Variants in SEMA3B observed in about 807,000 individuals in gnomAD.
SEMA3B encodes semaphorin-3B.
In SEMA3B, 71 loss-of-function variants were observed where a neutral mutation model predicts 77.8. The ratio of observed to expected loss-of-function variants is 0.91; its 90% CI spans 0.75 to 1.11. The LOEUF (loss-of-function observed/expected upper bound fraction) is 1.11, where lower values mean the gene tolerates loss of function less well. Among genes scored for constraint, SEMA3B ranks in the 50% most tolerant of loss-of-function variants. The pLI is 0.00. For synonymous variants in SEMA3B, 470 were observed against 452.9 expected, an observed-to-expected ratio of 1.04 and a Z score of -0.48; for missense variants, 968 against 1,056.8, an observed-to-expected ratio of 0.92 and a Z score of 1.17.
rs782239383 is a variant in SEMA3B, at chr3:50,276,641, A to G, written c.2185A>G (p.Asn729Asp). 1.3e-6 allele frequency: 2 copies of G among 1,595,490 alleles called. No individual in the cohort carries two copies. The highest frequency in any genetic ancestry group is 1.3e-5 in the African/African-American group (1 of 74,238). ...LPLESRRKGR[N>D]RRTHAPEPRA... Reference sequence around the variant, plus strand: ...CCTGGAGTCGCGGAGAAAGGGCCGTAACCGGAGGACCCACGCCCCTGAGCC... The same window carrying G: ...CCTGGAGTCGCGGAGAAAGGGCCGTGACCGGAGGACCCACGCCCCTGAGCC... The change falls in exon 17 of 17, where the codon AAC becomes GAC. Residue 729 changes from asparagine to aspartate, a missense_variant. By Grantham distance (23) the Asn-to-Asp change is conservative. Coordinates refer to ENST00000616701, the MANE Select transcript of SEMA3B (RefSeq NM_001290060.2). This position sits in a 1 kb window ranked among gnomAD's most constrained non-coding sequence, Gnocchi z 5.8.
chr3:50,274,323 A>C lies in SEMA3B; in HGVS notation c.1138-40A>C. Reference sequence around the variant, plus strand: ...GGAGGGCTGCCTATCAAGCCCCCATATCTATATCCCTGCTGTGCCTCCCTT... The same window carrying C: ...GGAGGGCTGCCTATCAAGCCCCCATCTCTATATCCCTGCTGTGCCTCCCTT... On this transcript the variant is annotated intron_variant, in intron 10 of 16. Transcript: ENST00000616701. This position sits in a 1 kb window ranked among gnomAD's most constrained non-coding sequence, Gnocchi z 4.7. The C allele has an allele frequency of 7.0e-7, 1 of 1,423,670 alleles. No homozygotes were observed. Among genetic ancestry groups the C allele is most frequent in the Non-Finnish European group, 9.4e-7 (1 of 1,058,330 alleles). The allele number at this position is 1,423,670 out of a possible 1,614,324, so 88.2% of individuals were successfully genotyped here.
upstream of SEMA3B, among the ~76,000 whole-genome samples, chr3:50,265,963 A>C (rs1439710925): frequency 6.6e-6 from 1 of 152,212 alleles, no homozygotes; most frequent in African/African-American, 2.4e-5. Flanking sequence ...ATGGGGACAG[A>C]GACAGTCTAG....
Position 50,269,626 on chromosome 3 carries a change from G to C in SEMA3B, c.109+277G>C, listed in dbSNP as rs1191712956. Among the ~76,000 whole-genome samples, 1 of 152,152 alleles carries C rather than the reference G, an allele frequency of 6.6e-6. No homozygotes were observed. The highest frequency in any genetic ancestry group is 1.5e-5 in the Non-Finnish European group (1 of 68,032). ...TGTTCCGTTCAGTACCCCCAACAAG[G>C]CGATACTCCTTCAGCAGAGCAACAG... On this transcript the variant is annotated intron_variant, in intron 1 of 16. Coordinates refer to ENST00000616701, the MANE Select transcript of SEMA3B (RefSeq NM_001290060.2). The surrounding 1 kb of genome is among the most constrained non-coding windows in gnomAD (Gnocchi z 4.0).
Position 50,273,405 on chromosome 3 carries a change from G to C in SEMA3B, c.772G>C (p.Gly258Arg), listed in dbSNP as rs148660513. The change falls in exon 7 of 17, where the codon GGA becomes CGA. Residue 258 changes from glycine to arginine, a missense_variant. Physicochemically the swap from Gly to Arg is moderately radical, Grantham distance 125 (BLOSUM62 -2). Coordinates refer to ENST00000616701, the MANE Select transcript of SEMA3B (RefSeq NM_001290060.2). The surrounding 1 kb of genome is among the most constrained non-coding windows in gnomAD (Gnocchi z 6.5). ...ETAVEAAPALGRLSVSRVGQI... is the reference protein window; with the variant it reads ...ETAVEAAPALRRLSVSRVGQI... ...GGCGGTAGAGGCGGCGCCGGCACTG[G>C]GACGCCTGTCCGTGTCCCGCGTTGG... 790 of 1,613,786 alleles carry C rather than the reference G, an allele frequency of 4.9e-4. 3 individuals carry two copies. The highest frequency in any genetic ancestry group is 4.0e-3 in the Middle Eastern group (24 of 6,062).
Position 50,274,559 on chromosome 3 carries a change from A to G in SEMA3B, c.1334A>G (p.Tyr445Cys). The change falls in exon 11 of 17, where the codon TAT (tyrosine) becomes TGT (cysteine). Residue 445 changes from tyrosine to cysteine, a missense_variant. Physicochemically the swap from Tyr to Cys is radical, Grantham distance 194. Coordinates refer to ENST00000616701, the MANE Select transcript of SEMA3B (RefSeq NM_001290060.2). This position sits in a 1 kb window ranked among gnomAD's most constrained non-coding sequence, Gnocchi z 4.7. ...CGGGTTGCAGCCGCTGACGGACACT[A>G]TGACGTCCTCTTCATTGGCACAGGT... ...ADRVAAADGH[Y>C]DVLFIGTDVG... 1 of 1,547,480 alleles carries G rather than the reference A, an allele frequency of 6.5e-7. No homozygotes were observed. The highest frequency in any genetic ancestry group is 8.7e-7 in the Non-Finnish European group (1 of 1,147,316).
chr3:50,269,585 C>G lies in SEMA3B; in HGVS notation c.109+236C>G, dbSNP rs1700989260. On this transcript the variant is annotated intron_variant, in intron 1 of 16. Transcript: ENST00000616701. This position sits in a 1 kb window ranked among gnomAD's most constrained non-coding sequence, Gnocchi z 4.0. Reference sequence around the variant, plus strand: ...AGGAAGACCCCTCCTGTCCCCACAGCAACAGACCTTGTCTCTGTTCCGTTC... The same window carrying G: ...AGGAAGACCCCTCCTGTCCCCACAGGAACAGACCTTGTCTCTGTTCCGTTC... Among the ~76,000 whole-genome samples the G allele has an allele frequency of 1.3e-5, 2 of 152,230 alleles. No individual in the cohort carries two copies. The highest frequency in any genetic ancestry group is 4.1e-4 in the South Asian group (2 of 4,836).
Position 50,271,465 on chromosome 3 carries a change from T to G in SEMA3B, c.649T>G (p.Ser217Ala), listed in dbSNP as rs1187231913. The change falls in exon 6 of 17, where the codon TCC becomes GCC. Residue 217 changes from serine (S) to alanine (A), a missense_variant. Coordinates refer to ENST00000616701, the MANE Select transcript of SEMA3B (RefSeq NM_001290060.2). ...AAGTCTCCGAACAGAGCCACACGAC[T>G]CCCGCTGGCTCAATGGTGAGAGGCT... is the stretch of plus-strand genomic sequence containing the variant. ...RPSLRTEPHD[S>A]RWLNEPKFVK... 6.4e-7 allele frequency: 1 copy of G among 1,566,346 alleles called. No homozygotes were observed. Among genetic ancestry groups the G allele is most frequent in the African/African-American group, 1.4e-5 (1 of 73,606 alleles).
In SEMA3B at chr3:50,274,190, A is replaced by G; in HGVS notation, c.1137+133A>G. On this transcript the variant is annotated intron_variant, in intron 10 of 16. Coordinates refer to ENST00000616701, the MANE Select transcript of SEMA3B (RefSeq NM_001290060.2). This position sits in a 1 kb window ranked among gnomAD's most constrained non-coding sequence, Gnocchi z 4.7. ...TGGGAAAACGTTTCCATCATAAGAC[A>G]AGGCTTGTTTCCCGCCTCTGACTTC... The G allele has an allele frequency of 6.9e-7, 1 of 1,440,536 alleles. No individual in the cohort carries two copies. The highest frequency in any genetic ancestry group is 9.4e-7 in the Non-Finnish European group (1 of 1,061,724). 89.2% of individuals were successfully genotyped at this position (1,440,536 alleles called of 1,614,324 possible). A position where few individuals can be genotyped will look rare whatever the true frequency, so the allele number is the denominator to read the frequency against.
At chr3:50,266,658 A>G (rs886237282), upstream of SEMA3B, 2 of 152,218 alleles carry the variant, frequency 1.3e-5, no homozygotes, top group African/African-American at 4.8e-5. Flanking sequence ...GCCCTGGTAT[A>G]TTCACTCAGG....
upstream of SEMA3B, among the ~76,000 whole-genome samples, chr3:50,265,193 G>T (rs1436333849): frequency 2.6e-5 from 4 of 152,210 alleles, no homozygotes; most frequent in Non-Finnish European, 5.9e-5. Context: ...TAGGCCTCAG[G>T]TGATGATCCT....
upstream of SEMA3B, among the ~76,000 whole-genome samples, chr3:50,268,470 G>A (rs1251854611): frequency 6.6e-6 from 1 of 152,224 alleles, no homozygotes; most frequent in Admixed American, 6.5e-5. Flanking sequence ...TGTACTGCAT[G>A]GATTGCACAG....
At position 50,270,939 on chromosome 3, in the gene SEMA3B, A is replaced by G. The variant is rs782594258; in HGVS notation, c.380A>G (p.His127Arg). Residue 127 changes from histidine to arginine, a missense_variant, in exon 4 of 17, where the codon CAT (histidine) becomes CGT (arginine). Physicochemically the swap from His to Arg is conservative, Grantham distance 29. Coordinates refer to ENST00000616701, the MANE Select transcript of SEMA3B (RefSeq NM_001290060.2). The surrounding 1 kb of genome is among the most constrained non-coding windows in gnomAD (Gnocchi z 4.7). ...VKLLHAYNRT[H>R]LLACGTGAFH... ...TTGCTGCATGCCTACAACCGCACCC[A>G]TTTGCTGGCCTGTGGCACGGGAGCC... The G allele has an allele frequency of 6.2e-7, 1 of 1,611,730 alleles. No homozygotes were observed. Among genetic ancestry groups the G allele is most frequent in the Non-Finnish European group, 8.5e-7 (1 of 1,178,960 alleles).
chr3:50,266,334 G>A (rs1700897027), upstream of SEMA3B, among the ~76,000 whole-genome samples: 1 of 152,176 alleles, frequency 6.6e-6, no homozygotes, highest in African/African-American at 2.4e-5. Context: ...ACGAGCCCAG[G>A]CAGGGATCTG....
chr3:50,273,550 C>T lies in SEMA3B; in HGVS notation c.826C>T (p.Gln276Ter), dbSNP rs1553705818. 6.2e-7 allele frequency: 1 copy of T among 1,612,904 alleles called. No individual in the cohort carries two copies. The highest frequency in any genetic ancestry group is 1.7e-5 in the Admixed American group (1 of 60,002). ...GTCCCGGCAGAACGACGTGGGCGGC[C>T]AGCGCAGCCTGGTCAACAAGTGGAC... ...GQICRNDVGG[Q>*]RSLVNKWTTF... Residue 276 changes from glutamine to a stop codon, truncating the protein, a stop_gained, in exon 8 of 17, where the codon CAG (glutamine) becomes TAG (stop). Transcript: ENST00000616701. LOFTEE classifies it high-confidence loss of function. The surrounding 1 kb of genome is among the most constrained non-coding windows in gnomAD (Gnocchi z 6.5).
chr3:50,270,829 T>C lies in SEMA3B; in HGVS notation c.331-61T>C. The C allele has an allele frequency of 1.3e-6, 2 of 1,549,054 alleles. No individual in the cohort carries two copies. The highest frequency in any genetic ancestry group is 3.9e-5 in the Admixed American group (2 of 51,028). The stretch of plus-strand genomic sequence containing the variant: ...GAGGGAGGGGTGAGGATGCCACTGG[T>C]GAGCTGGGACCTCTTAAGGCTACGT... On this transcript the variant is annotated intron_variant, in intron 3 of 16. Coordinates refer to ENST00000616701, the MANE Select transcript of SEMA3B (RefSeq NM_001290060.2). The surrounding 1 kb of genome is among the most constrained non-coding windows in gnomAD (Gnocchi z 4.7).
chr3:50,273,211 G>A lies in SEMA3B; in HGVS notation c.665-87G>A, dbSNP rs781945334. 8 of 1,504,490 alleles carry A rather than the reference G, an allele frequency of 5.3e-6. No individual in the cohort carries two copies. Among genetic ancestry groups the A allele is most frequent in the African/African-American group, 2.8e-5 (2 of 71,884 alleles). The allele number at this position is 1,504,490 out of a possible 1,614,324, so 93.2% of individuals were successfully genotyped here. On this transcript the variant is annotated intron_variant, in intron 6 of 16. Coordinates refer to ENST00000616701, the MANE Select transcript of SEMA3B (RefSeq NM_001290060.2). The surrounding 1 kb of genome is among the most constrained non-coding windows in gnomAD (Gnocchi z 6.5). ...CACTGTGATCCCGGGTGCTGTGCCC[G>A]CACTACGGGAAGGGGAAGCAGCGCG...
In SEMA3B at chr3:50,276,092, A is replaced by G. The variant is rs762706; in HGVS notation, c.1846-210A>G. Reference sequence around the variant, plus strand: ...CCATTAAGGTCCCTGACCACCCCCCACCAAGTTCATGTAAACCCCGCCTCT... The same window carrying G: ...CCATTAAGGTCCCTGACCACCCCCCGCCAAGTTCATGTAAACCCCGCCTCT... On this transcript the variant is annotated intron_variant, in intron 16 of 16. Coordinates refer to ENST00000616701, the MANE Select transcript of SEMA3B (RefSeq NM_001290060.2). The surrounding 1 kb of genome is among the most constrained non-coding windows in gnomAD (Gnocchi z 5.8). The G allele has an allele frequency of 1.5e-4, 109 of 705,392 alleles. 1 individual carries two copies. Among genetic ancestry groups the G allele is most frequent in the Non-Finnish European group, 2.0e-4 (90 of 460,566 alleles). 43.7% of individuals were successfully genotyped at this position (705,392 alleles called of 1,614,324 possible).
At position 50,269,372 on chromosome 3, in the gene SEMA3B, A is replaced by G; in HGVS notation, c.109+23A>G. The G allele has an allele frequency of 7.2e-7, 1 of 1,386,756 alleles. No homozygotes were observed. The allele number at this position is 1,386,756 out of a possible 1,614,324, so 85.9% of individuals were successfully genotyped here. On this transcript the variant is annotated intron_variant, in intron 1 of 16. Coordinates refer to ENST00000616701, the MANE Select transcript of SEMA3B (RefSeq NM_001290060.2). The surrounding 1 kb of genome is among the most constrained non-coding windows in gnomAD (Gnocchi z 4.0). ...AAGGTAGGTGCACCTGGCAGGCGGG[A>G]GGGCCCAGCTTGAGGTGGGCAGGAA...
Position 50,274,885 on chromosome 3 carries a change from G to A in SEMA3B, c.1400G>A (p.Ser467Asn). Residue 467 changes from serine (S) to asparagine (N), a missense_variant, in exon 12 of 17, where the codon AGT becomes AAT. Ser to Asn is a conservative substitution (Grantham distance 46). Transcript: ENST00000616701. The surrounding 1 kb of genome is among the most constrained non-coding windows in gnomAD (Gnocchi z 4.7). ...VLKVISVPKG[S>N]RPSAEGLLLE... ...AAGGTGATCTCGGTCCCCAAGGGCAGTAGGCCCAGCGCAGAGGGGCTGCTC... is the reference window on the plus strand; with the variant it reads ...AAGGTGATCTCGGTCCCCAAGGGCAATAGGCCCAGCGCAGAGGGGCTGCTC... The A allele has an allele frequency of 3.1e-6, 5 of 1,611,294 alleles. No homozygotes were observed. The highest frequency in any genetic ancestry group is 4.2e-6 in the Non-Finnish European group (5 of 1,179,816).
Sources: allele counts gnomAD v4.1 joint callset (sites outside exome capture counted in the v4.1 genomes callset), GRCh38; gene constraint gnomAD v4.1.1; non-coding constraint Gnocchi (gnomAD v3.1); transcripts MANE v1.5; gene names NCBI Gene and HGNC (gene_info 2026-07-23, HGNC 2026-07-21).